TENM3: variants seen among roughly 807,000 people sequenced by gnomAD.
TENM3 encodes teneurin transmembrane protein 3.
In TENM3, 63 loss-of-function variants were observed where a neutral mutation model predicts 255.1. The ratio of observed to expected loss-of-function variants is 0.25; its 90% CI spans 0.20 to 0.30. The LOEUF (loss-of-function observed/expected upper bound fraction) is 0.30, where lower values mean the gene tolerates loss of function less well. TENM3 is among the 10% of genes least tolerant of loss of function. The pLI is 1.00. For missense variants in TENM3, 2,929 were observed against 3,461.1 expected, an observed-to-expected ratio of 0.85 and a Z score of 3.86; for synonymous variants, 1,306 against 1,322.3, an observed-to-expected ratio of 0.99 and a Z score of 0.27.
chr4:182,536,218 G>T (rs144257689), intron 3 of TENM3, among the ~76,000 whole-genome samples: 36 of 152,340 alleles, frequency 2.4e-4, no homozygotes, highest in South Asian at 1.0e-3. Context: ...TTGCAATTAT[G>T]TTGGGGCAAC....
the TENM3 span, among the ~76,000 whole-genome samples, chr4:181,893,499 C>CCCA: frequency 9.6e-6 from 1 of 104,316 alleles, no homozygotes; most frequent in African/African-American, 3.5e-5. Context: ...CCACCCCCCC[C>CCCA]CCACCCCCAC....
At chr4:182,019,313 GT>G in the TENM3 span, among the ~76,000 whole-genome samples, 1 of 152,148 alleles carries the variant, frequency 6.6e-6, no homozygotes, top group Admixed American at 6.5e-5. Context: ...CCACCAGCTT[GT>G]GGCCTGGTTC....
intron 3 of TENM3, among the ~76,000 whole-genome samples, chr4:182,396,113 G>C (rs966712915): frequency 1.3e-5 from 2 of 152,048 alleles, no homozygotes; most frequent in Non-Finnish European, 2.9e-5. Flanking sequence ...TGAGACTCAG[G>C]GGTACCTGTG....
chr4:181,997,983 C>A, the TENM3 span, among the ~76,000 whole-genome samples: 3 of 152,132 alleles, frequency 2.0e-5, no homozygotes, highest in Admixed American at 1.3e-4. Flanking sequence ...CAAAAAGATT[C>A]TTCTAGATTC....
At chr4:182,176,286 A>G (rs1453325622) in intron 1 of TENM3, among the ~76,000 whole-genome samples, 1 of 152,134 alleles carries the variant, frequency 6.6e-6, no homozygotes, top group Non-Finnish European at 1.5e-5. Context: ...ATGAACTAGC[A>G]GTGTTTGAAT....
At position 182,801,598 on chromosome 4, in the gene TENM3, G is replaced by C. The variant is rs1490790526; in HGVS notation, c.*1247G>C. 1 of 152,224 alleles carries C rather than the reference G, an allele frequency of 6.6e-6. No individual in the cohort carries two copies. The highest frequency in any genetic ancestry group is 1.5e-5 in the Non-Finnish European group (1 of 68,052). The allele number at this position is 152,224 out of a possible 1,614,324, so 9.4% of individuals were successfully genotyped here. A position where few individuals can be genotyped will look rare whatever the true frequency, so the allele number is the denominator to read the frequency against. On this transcript the variant is annotated 3_prime_UTR_variant, in exon 28 of 28. Coordinates refer to ENST00000511685, the MANE Select transcript of TENM3 (RefSeq NM_001080477.4). ...ATCAGATGCTGGGGAAATAGGAGGA[G>C]GAAAGGTTCTGATGTAGTCGTGATC...
the TENM3 span, among the ~76,000 whole-genome samples, chr4:182,133,742 T>G: frequency 6.6e-5 from 10 of 152,360 alleles, no homozygotes; most frequent in Non-Finnish European, 1.0e-4. Flanking sequence ...TTTTGTGAAT[T>G]TTGATTTCTT....
the TENM3 span, among the ~76,000 whole-genome samples, chr4:181,941,312 T>G: frequency 4.5e-5 from 1 of 22,464 alleles, no homozygotes; most frequent in Non-Finnish European, 1.2e-4. Context: ...TTGTTTGATG[T>G]TTTTTTTTTT....
the TENM3 span, among the ~76,000 whole-genome samples, chr4:181,455,885 G>A: frequency 6.6e-6 from 1 of 151,864 alleles, no homozygotes; most frequent in African/African-American, 2.4e-5. Context: ...ATAGAAATCA[G>A]CTATATTAAT....
intron 3 of TENM3, among the ~76,000 whole-genome samples, chr4:182,514,926 G>A (rs1373132526): frequency 6.6e-6 from 1 of 152,190 alleles, no homozygotes; most frequent in Admixed American, 6.5e-5. Context: ...GAAGCAGCAA[G>A]AGAGAGTGAG....
At chr4:182,346,581 A>G (rs1764824053) in intron 2 of TENM3, 70 bp from the exon 3 acceptor site, 1 of 1,367,410 alleles carries the variant, frequency 7.3e-7, no homozygotes, top group East Asian at 2.4e-5. Context: ...TTCTTAAAAA[A>G]AAAAAAAAGA....
At chr4:182,117,760 A>C in the TENM3 span, among the ~76,000 whole-genome samples, 2 of 152,110 alleles carry the variant, frequency 1.3e-5, no homozygotes, top group Non-Finnish European at 2.9e-5. Flanking sequence ...TTCTCCTTTA[A>C]TATTCTGGAT....
At chr4:181,776,511 C>G in the TENM3 span, among the ~76,000 whole-genome samples, 3 of 152,104 alleles carry the variant, frequency 2.0e-5, no homozygotes, top group African/African-American at 7.2e-5. Flanking sequence ...TCCATAATGG[C>G]TGTACTCATT....
the TENM3 span, among the ~76,000 whole-genome samples, chr4:181,476,219 T>TTG: frequency 9.9e-5 from 15 of 151,540 alleles, no homozygotes; most frequent in African/African-American, 2.7e-4. Flanking sequence ...TTTTTTTTTT[T>TTG]TTTTTGACAT....
At chr4:181,852,002 T>C in the TENM3 span, among the ~76,000 whole-genome samples, 1 of 152,236 alleles carries the variant, frequency 6.6e-6, no homozygotes, top group East Asian at 1.9e-4. Flanking sequence ...AGAGCTCCAG[T>C]TTTAATTACC....
the TENM3 span, among the ~76,000 whole-genome samples, chr4:182,000,689 A>T: frequency 1.3e-5 from 2 of 152,112 alleles, no homozygotes; most frequent in Admixed American, 6.6e-5. Context: ...ATAAGAAACA[A>T]TGTATTTTGA....
At chr4:182,567,806 A>G (rs968376805) in intron 3 of TENM3, among the ~76,000 whole-genome samples, 3 of 148,914 alleles carry the variant, frequency 2.0e-5, no homozygotes, top group Non-Finnish European at 4.4e-5. Flanking sequence ...CTTTGTAATT[A>G]TATTATTAAT....
the TENM3 span, among the ~76,000 whole-genome samples, chr4:181,865,912 T>A: frequency 5.9e-5 from 9 of 152,174 alleles, no homozygotes; most frequent in Admixed American, 2.0e-4. Flanking sequence ...TCAGTTTAAG[T>A]CCATTTTAAA....
intron 3 of TENM3, among the ~76,000 whole-genome samples, chr4:182,582,717 G>A (rs960586196): frequency 6.6e-6 from 1 of 152,066 alleles, no homozygotes; most frequent in South Asian, 2.1e-4. Flanking sequence ...TTTTAGACTC[G>A]ATATGGACGT....
Sources: allele counts gnomAD v4.1 joint callset (sites outside exome capture counted in the v4.1 genomes callset), GRCh38; gene constraint gnomAD v4.1.1; transcripts MANE v1.5; gene names NCBI Gene and HGNC (gene_info 2026-07-23, HGNC 2026-07-21).